SHISA9: variants seen among roughly 807,000 people sequenced by gnomAD.
SHISA9 encodes shisa family member 9, also known as protein shisa-9.
A neutral mutation model predicts 38.0 loss-of-function variants in SHISA9; 13 were observed. The observed-to-expected ratio is 0.34, with a 90% CI of 0.22 to 0.54. The LOEUF is 0.54. Among genes scored for constraint, SHISA9 ranks in the 20% least tolerant of loss-of-function variants. SHISA9 has a pLI of 0.91. For synonymous variants in SHISA9, 275 were observed against 242.0 expected (o/e 1.14, Z -1.27); for missense variants, 538 against 575.8 (o/e 0.93, Z 0.67).
chr16:13,021,171 T>C (rs2072848828), intron 2 of SHISA9, among the ~76,000 whole-genome samples: 1 of 152,186 alleles, frequency 6.6e-6, no homozygotes, highest in Non-Finnish European at 1.5e-5. Context: ...GGGACAATTT[T>C]GCCTCCCTCC....
At chr16:13,074,952 C>A in intron 2 of SHISA9, among the ~76,000 whole-genome samples, 1 of 152,216 alleles carries the variant, frequency 6.6e-6, no homozygotes, top group East Asian at 1.9e-4. Context: ...GTGTGAGCCA[C>A]CGTGCCTGGC....
At chr16:13,158,221 C>G (rs576319703) in intron 2 of SHISA9, among the ~76,000 whole-genome samples, 4 of 152,322 alleles carry the variant, frequency 2.6e-5, no homozygotes, top group Admixed American at 6.5e-5. Context: ...TGTCTTCAGA[C>G]TGACCAACAT....
At chr16:13,034,531 G>T (rs565089639) in intron 2 of SHISA9, among the ~76,000 whole-genome samples, 1 of 152,282 alleles carries the variant, frequency 6.6e-6, no homozygotes, top group South Asian at 2.1e-4. Context: ...TTTTTGGGGG[G>T]CCACTTGGAG....
chr16:13,052,921 C>A (rs4781388), intron 2 of SHISA9, among the ~76,000 whole-genome samples: 116,894 of 150,500 alleles, frequency 0.78, 45,870 homozygotes, highest in African/African-American at 0.89. Context: ...CAGCTATTAC[C>A]AACAAAGAAA....
the SHISA9 span, among the ~76,000 whole-genome samples, chr16:13,304,517 T>C: frequency 6.6e-6 from 1 of 152,190 alleles, no homozygotes; most frequent in Non-Finnish European, 1.5e-5. Flanking sequence ...CCTGGCCTCC[T>C]AAAGTGTTGA....
At chr16:13,005,071 C>T (rs1052664972) in intron 2 of SHISA9, among the ~76,000 whole-genome samples, 4 of 151,850 alleles carry the variant, frequency 2.6e-5, no homozygotes, top group African/African-American at 9.7e-5. Context: ...TGTCCTGGAT[C>T]TCTGGGTTAG....
At chr16:13,027,743 A>G (rs773403601) in intron 2 of SHISA9, among the ~76,000 whole-genome samples, 3 of 152,020 alleles carry the variant, frequency 2.0e-5, no homozygotes, top group Non-Finnish European at 4.4e-5. Flanking sequence ...CCTGGCCGAC[A>G]TGGTGAAACC....
At chr16:13,393,168 C>A in the SHISA9 span, among the ~76,000 whole-genome samples, 1 of 152,188 alleles carries the variant, frequency 6.6e-6, no homozygotes, top group Non-Finnish European at 1.5e-5. Context: ...TCCTGATACC[C>A]TCGTGCTCAC....
intron 2 of SHISA9, among the ~76,000 whole-genome samples, chr16:13,122,694 C>G (rs2050224007): frequency 6.6e-6 from 1 of 152,156 alleles, no homozygotes; most frequent in Admixed American, 6.5e-5. Flanking sequence ...GTGTTTGATG[C>G]ATTAAGTATG....
At chr16:13,256,722 G>A in the SHISA9 span, among the ~76,000 whole-genome samples, 8 of 152,348 alleles carry the variant, frequency 5.3e-5, no homozygotes, top group African/African-American at 1.9e-4. Flanking sequence ...TTGAATGAGT[G>A]AACAAATGAA....
At chr16:13,132,944 C>G (rs1247828565) in intron 2 of SHISA9, among the ~76,000 whole-genome samples, 2 of 152,162 alleles carry the variant, frequency 1.3e-5, no homozygotes, top group Admixed American at 6.6e-5. Flanking sequence ...CCTTGTCCAT[C>G]ACTTGGGGAA....
chr16:13,554,537 C>A, the SHISA9 span, among the ~76,000 whole-genome samples: 1 of 142,710 alleles, frequency 7.0e-6, no homozygotes, highest in African/African-American at 2.6e-5. Context: ...TTTGATGGAG[C>A]CTGGAGTACA....
chr16:13,382,044 A>G, the SHISA9 span, among the ~76,000 whole-genome samples: 1 of 152,238 alleles, frequency 6.6e-6, no homozygotes, highest in Non-Finnish European at 1.5e-5. Flanking sequence ...AAAAAATTTT[A>G]AAGTTTGATA....
chr16:13,528,179 GCCCAGCAAGATCATAGAC>G, the SHISA9 span, among the ~76,000 whole-genome samples: 2 of 152,048 alleles, frequency 1.3e-5, no homozygotes, highest in East Asian at 3.9e-4. Context: ...CTGAAAGCTT[GCCCAGCAAGATCATAGAC>G]CCGAGCATGA....
At chr16:13,341,578 T>C in the SHISA9 span, among the ~76,000 whole-genome samples, 3,856 of 152,310 alleles carry the variant, frequency 0.025, 85 homozygotes, top group African/African-American at 0.055. Context: ...ATTTCTACTC[T>C]GACGCAGCAG....
At chr16:13,329,606 G>A in the SHISA9 span, among the ~76,000 whole-genome samples, 2 of 152,094 alleles carry the variant, frequency 1.3e-5, no homozygotes, top group Non-Finnish European at 2.9e-5. Context: ...AAAATTCCAA[G>A]ACTACTCCTT....
At chr16:13,426,494 C>T in the SHISA9 span, among the ~76,000 whole-genome samples, 26 of 152,232 alleles carry the variant, frequency 1.7e-4, no homozygotes, top group South Asian at 5.2e-3. Context: ...TTTCCCCTGC[C>T]ATCAGGGTGA....
At chr16:13,184,839 A>G (rs554786441) in intron 2 of SHISA9, among the ~76,000 whole-genome samples, 109 of 152,338 alleles carry the variant, frequency 7.2e-4, no homozygotes, top group Admixed American at 1.2e-3. Flanking sequence ...TGAATTCACC[A>G]TTGAAGGATA....
chr16:12,969,727 A>T (rs2072030058), intron 2 of SHISA9, among the ~76,000 whole-genome samples: 1 of 152,152 alleles, frequency 6.6e-6, no homozygotes, highest in Non-Finnish European at 1.5e-5. Flanking sequence ...AGCCTGGGAG[A>T]CAGAGCCAGA....
Sources: allele counts gnomAD v4.1 joint callset (sites outside exome capture counted in the v4.1 genomes callset), GRCh38; gene constraint gnomAD v4.1.1; transcripts MANE v1.5; gene names NCBI Gene and HGNC (gene_info 2026-07-23, HGNC 2026-07-21).